ZNF705G: variants seen among roughly 807,000 people sequenced by gnomAD.
ZNF705G encodes the protein zinc finger protein 705G.
Under a neutral mutation model 19.6 loss-of-function variants are expected in ZNF705G, and 23 were observed. The observed-to-expected ratio is 1.17, with a 90% confidence interval of 0.84 to 1.66. ZNF705G has a LOEUF of 1.66. Among genes scored for constraint, ZNF705G ranks in the 40% most tolerant of loss-of-function variants. ZNF705G has a pLI of 0.00. For missense variants in ZNF705G, 457 were observed against 354.4 expected, an observed-to-expected ratio of 1.29 and a Z score of -2.32; for synonymous variants, 146 against 117.7, an observed-to-expected ratio of 1.24 and a Z score of -1.56.
intron 2 of ZNF705G, among the ~76,000 whole-genome samples, chr8:7,378,928 G>A (rs560385398): frequency 1.8e-4 from 26 of 147,530 alleles, no homozygotes; most frequent in Admixed American, 3.3e-4. Flanking sequence ...TAGCTTTGGC[G>A]GGAGACAGAG....
At position 7,379,744 on chromosome 8, in the gene ZNF705G, C is replaced by T. The variant is rs2719534; in HGVS notation, c.-72+1708G>A. On this transcript the variant is annotated intron_variant, in intron 2 of 6. Coordinates refer to ENST00000400156, the MANE Select transcript of ZNF705G (RefSeq NM_001164457.3). ...AGCCAAGGGACAGTCTCTCAGCCCT[C>T]GCAGGCCCTGAGACTGCTATAGGGA... is the stretch of plus-strand genomic sequence containing the variant. Among the ~76,000 whole-genome samples, 138 of 147,266 alleles carry T rather than the reference C, an allele frequency of 9.4e-4. 23 individuals are homozygous for T. Among genetic ancestry groups the T allele is most frequent in the African/African-American group, 3.5e-3 (128 of 36,768 alleles).
chr8:7,382,468 A>G (rs1281537579), intron 1 of ZNF705G, among the ~76,000 whole-genome samples: 1 of 146,624 alleles, frequency 6.8e-6, no homozygotes, highest in Non-Finnish European at 1.5e-5. Context: ...CCATTTATTC[A>G]TTTATCCTCA....
At position 7,361,156 on chromosome 8, in the gene ZNF705G, C is replaced by A; in HGVS notation, c.93G>T (p.Leu31=). The A allele has an allele frequency of 6.3e-7, 1 of 1,593,090 alleles. No individual in the cohort carries two copies. The highest frequency in any genetic ancestry group is 8.5e-7 in the Non-Finnish European group (1 of 1,179,458). ...WAMMDTSKRK[L]YRDVMLENIS... ...TATTTTCCAGCATCACATCTCTGTA[C>A]AGCTTTCTCTTGGATGTGTCCATCA... The change falls in exon 4 of 7, where the codon CTG becomes CTT. Residue 31 remains leucine, a synonymous_variant. Coordinates refer to ENST00000400156, the MANE Select transcript of ZNF705G (RefSeq NM_001164457.3).
rs1007547216 is a variant in ZNF705G, at chr8:7,361,208, A to T, written c.41T>A (p.Ile14Asn). ...GGCCCACTCTTCCTGGGTGAAGTCAATAGCTACATCTTCAAAAGTCAGTTT... is the reference window on the plus strand; with the variant it reads ...GGCCCACTCTTCCTGGGTGAAGTCATTAGCTACATCTTCAAAAGTCAGTTT... ...LKKLTFEDVA[I>N]DFTQEEWAMM... The change falls in exon 4 of 7, where the codon ATT becomes AAT. Residue 14 changes from isoleucine (I) to asparagine (N), a missense_variant. By Grantham distance (149) the Ile-to-Asn change is moderately radical (BLOSUM62 -3). Transcript: ENST00000400156. 1.9e-6 allele frequency: 3 copies of T among 1,592,802 alleles called. No homozygotes were observed. The highest frequency in any genetic ancestry group is 2.5e-6 in the Non-Finnish European group (3 of 1,179,404).
rs553598743 is a variant in ZNF705G, at chr8:7,358,826, C to T, written c.319-266G>A. Reference sequence around the variant, plus strand: ...TGGCTACAAGATGAAAAGCTACACGCCTCCCCCATATTTTGCCCATGAGGA... The same window carrying T: ...TGGCTACAAGATGAAAAGCTACACGTCTCCCCCATATTTTGCCCATGAGGA... On this transcript the variant is annotated intron_variant, in intron 6 of 6. Coordinates refer to ENST00000400156, the MANE Select transcript of ZNF705G (RefSeq NM_001164457.3). 1.3e-4 allele frequency among the ~76,000 whole-genome samples: 19 copies of T among 149,462 alleles called. 1 individual carries two copies. Among genetic ancestry groups the T allele is most frequent in the African/African-American group, 4.6e-4 (18 of 38,940 alleles).
In ZNF705G at chr8:7,359,635, G is replaced by C. The variant is rs1233538523; in HGVS notation, c.302C>G (p.Ser101Cys). 1.9e-6 allele frequency: 3 copies of C among 1,606,750 alleles called. No homozygotes were observed. Among genetic ancestry groups the C allele is most frequent in the Admixed American group, 1.7e-5 (1 of 59,912 alleles). The change falls in exon 6 of 7, where the codon TCC becomes TGC. Residue 101 changes from serine to cysteine, a missense_variant. Physicochemically the swap from Ser to Cys is moderately radical, Grantham distance 112 (BLOSUM62 -1). Coordinates refer to ENST00000400156, the MANE Select transcript of ZNF705G (RefSeq NM_001164457.3). ...SMHPITRKDASTSMTMENSLI... is the reference protein window; with the variant it reads ...SMHPITRKDACTSMTMENSLI... ...AAAACTTACCATTGTCATACTGGTG[G>C]ATGCGTCTTTTCTGGTGATAGGATG...
At chr8:7,359,591 G>A (rs766401519) in intron 6 of ZNF705G, 28 bp downstream of exon 6, 2 of 1,603,218 alleles carry the variant, frequency 1.2e-6, no homozygotes, top group East Asian at 2.2e-5. Context: ...TAACTTAGAT[G>A]ACTGGTGTAC....
intron 2 of ZNF705G, among the ~76,000 whole-genome samples, chr8:7,368,072 T>A (rs1291953918): frequency 4.0e-5 from 6 of 149,526 alleles, no homozygotes; most frequent in Non-Finnish European, 8.8e-5. Flanking sequence ...AAATGCATCC[T>A]CTGATTGGCT....
chr8:7,382,283 A>G (rs1013766002), intron 1 of ZNF705G, among the ~76,000 whole-genome samples: 7 of 148,032 alleles, frequency 4.7e-5, no homozygotes, highest in Non-Finnish European at 8.8e-5. Flanking sequence ...TAACCTGAGA[A>G]TGTTCCATCT....
chr8:7,367,800 A>G (rs111690155), intron 2 of ZNF705G, among the ~76,000 whole-genome samples: 1,906 of 149,762 alleles, frequency 0.013, 224 homozygotes, highest in African/African-American at 0.044. Flanking sequence ...CTTCGGTCGA[A>G]TTCTTTCTTC....
chr8:7,358,799 T>C (rs1467888729), intron 6 of ZNF705G, among the ~76,000 whole-genome samples: 6 of 149,320 alleles, frequency 4.0e-5, no homozygotes, highest in African/African-American at 1.3e-4. Context: ...TCCTAAATAA[T>C]ATGGCTACAA....
At position 7,381,581 on chromosome 8, in the gene ZNF705G, C is replaced by A. The variant is rs1183591144; in HGVS notation, c.-201G>T. 1.4e-5 allele frequency: 2 copies of A among 140,212 alleles called. No individual in the cohort carries two copies. The highest frequency in any genetic ancestry group is 6.1e-5 in the African/African-American group (2 of 32,896). The allele number at this position is 140,212 out of a possible 1,614,324, so 8.7% of individuals were successfully genotyped here. On this transcript the variant is annotated 5_prime_UTR_variant, in exon 2 of 7. Coordinates refer to ENST00000400156, the MANE Select transcript of ZNF705G (RefSeq NM_001164457.3). ...AGGTGGCTCTTTCTTCAGTGTACAT[C>A]AATTGAGGAGGACAAGTGATCTGGG...
At position 7,376,090 on chromosome 8, in the gene ZNF705G, G is replaced by C. The variant is rs1294757985; in HGVS notation, c.-72+5362C>G. On this transcript the variant is annotated intron_variant, in intron 2 of 6. Transcript: ENST00000400156. ...TACAGATAAAAGGAAGAGATGGAAA[G>C]CTCAGGGATCAAAAAACTCAGATTT... is the stretch of plus-strand genomic sequence containing the variant. Among the ~76,000 whole-genome samples the C allele has an allele frequency of 2.2e-5, 2 of 90,930 alleles. 1 individual carries two copies. The highest frequency in any genetic ancestry group is 4.3e-5 in the Non-Finnish European group (2 of 46,980). 59.7% of individuals were successfully genotyped at this position (90,930 alleles called of 152,430 possible). A position where few individuals can be genotyped will look rare whatever the true frequency, so the allele number is the denominator to read the frequency against.
At chr8:7,360,379 T>A (rs1189564635) in intron 4 of ZNF705G, 47 bp from the exon 5 acceptor site, 19 of 1,585,078 alleles carry the variant, frequency 1.2e-5, no homozygotes, top group Non-Finnish European at 1.6e-5. Flanking sequence ...TGTCAATAAA[T>A]GTGCATTATC....
At chr8:7,366,641 G>A (rs1161935857) in intron 2 of ZNF705G, among the ~76,000 whole-genome samples, 1 of 149,518 alleles carries the variant, frequency 6.7e-6, no homozygotes, top group Non-Finnish European at 1.5e-5. Flanking sequence ...AATATCCATG[G>A]ACAAATTATT....
intron 2 of ZNF705G, among the ~76,000 whole-genome samples, chr8:7,364,887 T>G (rs1186722910): frequency 6.7e-6 from 1 of 149,676 alleles, no homozygotes; most frequent in East Asian, 1.9e-4. Flanking sequence ...TTCAAAAAAA[T>G]AAGATATTAG....
chr8:7,370,111 A>C (rs57959684), intron 2 of ZNF705G, among the ~76,000 whole-genome samples: 28,607 of 145,310 alleles, frequency 0.2, 315 homozygotes, highest in Non-Finnish European at 0.25. Flanking sequence ...GAAAAAAAAA[A>C]ATACAAAAAA....
Position 7,357,639 on chromosome 8 carries a change from T to C in ZNF705G, c.*337A>G. On this transcript the variant is annotated 3_prime_UTR_variant, in exon 7 of 7. Coordinates refer to ENST00000400156, the MANE Select transcript of ZNF705G (RefSeq NM_001164457.3). ...AGATCACTAACAAGTCTTTGGTACA[T>C]ACATGTCATACAATTTCTCTTCCAT... 2.2e-6 allele frequency: 1 copy of C among 447,786 alleles called. No individual in the cohort carries two copies. The highest frequency in any genetic ancestry group is 3.9e-6 in the Non-Finnish European group (1 of 254,924). The allele number at this position is 447,786 out of a possible 1,614,324, so 27.7% of individuals were successfully genotyped here. A position where few individuals can be genotyped will look rare whatever the true frequency, so the allele number is the denominator to read the frequency against.
At chr8:7,370,217 G>A (rs1453906617) in intron 2 of ZNF705G, among the ~76,000 whole-genome samples, 1 of 147,310 alleles carries the variant, frequency 6.8e-6, no homozygotes, top group Non-Finnish European at 1.5e-5. Flanking sequence ...CTTGCAGCAA[G>A]CCGAGATCAC....
Sources: allele counts gnomAD v4.1 joint callset (sites outside exome capture counted in the v4.1 genomes callset), GRCh38; gene constraint gnomAD v4.1.1; transcripts MANE v1.5; gene names NCBI Gene and HGNC (gene_info 2026-07-23, HGNC 2026-07-21).